PLEKHM2: variants seen among roughly 807,000 people sequenced by gnomAD.
The protein encoded by PLEKHM2 is pleckstrin homology and RUN domain containing M2.
PLEKHM2 carries 77 observed loss-of-function variants against 116.3 expected under a neutral mutation model. That is an observed-to-expected ratio of 0.66 (90% CI 0.55 to 0.80). The LOEUF is 0.80. PLEKHM2 is among the 30% of genes least tolerant of loss of function. The probability of loss-of-function intolerance (pLI) is 0.00; values close to 1 mark genes in which losing one functional copy is unlikely to be tolerated. For synonymous variants in PLEKHM2, 562 were observed against 571.0 expected, an observed-to-expected ratio of 0.98 and a Z score of 0.22; for missense variants, 1,183 against 1,354.9, an observed-to-expected ratio of 0.87 and a Z score of 1.99.
rs1199044725 is a variant in PLEKHM2, at chr1:15,725,387, C to T, written c.783C>T (p.Ser261=). 8 of 1,552,196 alleles carry T rather than the reference C, an allele frequency of 5.2e-6. No homozygotes were observed. In the Admixed American group the frequency reaches 1.6e-4, roughly 30 times the overall value. ...TASDLTSSKA[S]TRSPTQRQNP... Reference sequence around the variant, plus strand: ...CCGACCTGACCAGCAGCAAGGCCTCCACCAGGAGCCCCACCCAGCGCCAGA... The same window carrying T: ...CCGACCTGACCAGCAGCAAGGCCTCTACCAGGAGCCCCACCCAGCGCCAGA... Residue 261 remains serine, a synonymous_variant, in exon 8 of 20, where the codon TCC becomes TCT. Transcript: ENST00000375799.
In PLEKHM2 at chr1:15,728,015, T is replaced by TG. The variant is rs1452136464; in HGVS notation, c.1761-60dup. On this transcript the variant is annotated intron_variant, in intron 9 of 19. Transcript: ENST00000375799. The surrounding 1 kb of genome is among the most constrained non-coding windows in gnomAD (Gnocchi z 5.9). ...GAGGCACTACCCCCTGGCTCTGGGG[T>TG]GGGGTGTGGCCTCTCTCACCGCTGC... The TG allele has an allele frequency of 1.2e-5, 16 of 1,379,926 alleles. No homozygotes were observed. The East Asian group carries it at 3.9e-4, about 34-fold the overall frequency. The allele number at this position is 1,379,926 out of a possible 1,614,324, so 85.5% of individuals were successfully genotyped here.
Position 15,684,549 on chromosome 1 carries a change from T to TGGCAGC in PLEKHM2, c.-8_-3dup. 2 of 1,229,130 alleles carry TGGCAGC rather than the reference T, an allele frequency of 1.6e-6. No homozygotes were observed. Among genetic ancestry groups the TGGCAGC allele is most frequent in the Non-Finnish European group, 2.1e-6 (2 of 969,302 alleles). 76.1% of individuals were successfully genotyped at this position (1,229,130 alleles called of 1,614,324 possible). A position where few individuals can be genotyped will look rare whatever the true frequency, so the allele number is the denominator to read the frequency against. ...GTGGCGGTGGCGGTGGCGGCGACGG[T>TGGCAGC]GGCAGCGCCATGGAGCCGGGGGAGG... On this transcript the variant is annotated 5_prime_UTR_variant, in exon 1 of 20. Transcript: ENST00000375799.
chr1:15,705,446 C>T (rs1240338), intron 1 of PLEKHM2, among the ~76,000 whole-genome samples: 26 of 152,056 alleles, frequency 1.7e-4, no homozygotes, highest in South Asian at 1.0e-3. Context: ...CCTCCCAAAG[C>T]GCTGGGATTA....
At chr1:15,701,815 A>G (rs1185319194) in intron 1 of PLEKHM2, among the ~76,000 whole-genome samples, 1 of 151,896 alleles carries the variant, frequency 6.6e-6, no homozygotes, top group Admixed American at 6.6e-5. Flanking sequence ...AAAAGACCCC[A>G]GCCTGCCTGC....
chr1:15,725,417 C>T lies in PLEKHM2; in HGVS notation c.813C>T (p.Pro271=), dbSNP rs756077401. 1.9e-6 allele frequency: 3 copies of T among 1,556,196 alleles called. No individual in the cohort carries two copies. The highest frequency in any genetic ancestry group is 2.4e-5 in the South Asian group (2 of 84,308). Residue 271 remains proline (P), a synonymous_variant, in exon 8 of 20, where the codon CCC becomes CCT. Transcript: ENST00000375799. ...GGAGCCCCACCCAGCGCCAGAACCCCTTCAACGAGGAGCCGGCAGAGACTG... is the reference window on the plus strand; with the variant it reads ...GGAGCCCCACCCAGCGCCAGAACCCTTTCAACGAGGAGCCGGCAGAGACTG... ...STRSPTQRQN[P]FNEEPAETVS... is the part of the protein sequence containing the mutation.
chr1:15,713,890 G>A (rs1161294942), intron 1 of PLEKHM2, among the ~76,000 whole-genome samples: 1 of 151,118 alleles, frequency 6.6e-6, no homozygotes, highest in Non-Finnish European at 1.5e-5. Context: ...CGCCCACCTC[G>A]GCCTCCCAAA....
At chr1:15,698,638 C>T (rs1641051065) in intron 1 of PLEKHM2, among the ~76,000 whole-genome samples, 2 of 149,580 alleles carry the variant, frequency 1.3e-5, no homozygotes. Context: ...ACCTCTGCCT[C>T]CTGGGTTCAA....
upstream of PLEKHM2, among the ~76,000 whole-genome samples, chr1:15,682,450 C>CAAAA (rs58913655): frequency 1.8e-5 from 2 of 114,252 alleles, no homozygotes; most frequent in South Asian, 2.8e-4. Context: ...GACTCCGCCT[C>CAAAA]AAAAAAAAAA....
rs1453104747 is a variant in PLEKHM2 at position 15,715,182 on chromosome 1, TGGG to T, written c.61-1053_61-1051del. 1.1e-4 allele frequency among the ~76,000 whole-genome samples: 16 copies of T among 151,934 alleles called. 1 individual carries two copies. Among genetic ancestry groups the T allele is most frequent in the African/African-American group, 3.9e-4 (16 of 41,238 alleles). On this transcript the variant is annotated intron_variant, in intron 1 of 19. Coordinates refer to ENST00000375799, the MANE Select transcript of PLEKHM2 (RefSeq NM_015164.4). ...TCAAGAAGGCTGGCAAGAAGGCTGGTGGGGCAGGTGCCCCAGTCCATCGGCCCT... is the reference window on the plus strand; with the variant it reads ...TCAAGAAGGCTGGCAAGAAGGCTGGTGCAGGTGCCCCAGTCCATCGGCCCT...
chr1:15,691,612 G>A (rs1557639714), intron 1 of PLEKHM2, among the ~76,000 whole-genome samples: 1 of 152,106 alleles, frequency 6.6e-6, no homozygotes, highest in Non-Finnish European at 1.5e-5. Context: ...TTCTATTTCT[G>A]GCCAGGCACA....
At chr1:15,707,258 CA>C (rs1226751303) in intron 1 of PLEKHM2, among the ~76,000 whole-genome samples, 1 of 126,928 alleles carries the variant, frequency 7.9e-6, no homozygotes. Context: ...TCCATCTCTA[CA>C]AAAAAAATAC....
Position 15,725,365 on chromosome 1 carries a change from A to C in PLEKHM2, c.761A>C (p.Asp254Ala). 1 of 1,551,516 alleles carries C rather than the reference A, an allele frequency of 6.4e-7. No homozygotes were observed. The highest frequency in any genetic ancestry group is 1.2e-5 in the South Asian group (1 of 84,074). Residue 254 changes from aspartate to alanine, a missense_variant, in exon 8 of 20, where the codon GAC (aspartate) becomes GCC (alanine). Asp to Ala is a moderately radical substitution (Grantham distance 126). This residue lies in a region of PLEKHM2 where 372 missense variants were observed against 357.2 expected (regional missense o/e 1.04). Coordinates refer to ENST00000375799, the MANE Select transcript of PLEKHM2 (RefSeq NM_015164.4). ...AGTGGTCCCCGCTCCACAGCCTCCG[A>C]CCTGACCAGCAGCAAGGCCTCCACC... ...TVSGPRSTASDLTSSKASTRS... is the reference protein window; with the variant it reads ...TVSGPRSTASALTSSKASTRS...
chr1:15,693,123 C>T (rs988160772), intron 1 of PLEKHM2, among the ~76,000 whole-genome samples: 1 of 151,892 alleles, frequency 6.6e-6, no homozygotes, highest in African/African-American at 2.4e-5. Context: ...TCACTGCAAC[C>T]TCCACCTCCT....
chr1:15,727,203 G>A lies in PLEKHM2; in HGVS notation c.1131G>A (p.Glu377=). The change falls in exon 9 of 20, where the codon GAG becomes GAA. Residue 377 remains glutamate, a synonymous_variant. Coordinates refer to ENST00000375799, the MANE Select transcript of PLEKHM2 (RefSeq NM_015164.4). The surrounding 1 kb of genome is among the most constrained non-coding windows in gnomAD (Gnocchi z 7.5). ...TTGCCTCCCCCCAGGAGGAGGGAGA[G>A]GGGCCGAGCAGCACCACGGAGAGCA... ...TMLASPQEEG[E]GPSSTTESSE... The A allele has an allele frequency of 3.1e-6, 5 of 1,606,616 alleles. No homozygotes were observed. The highest frequency in any genetic ancestry group is 4.2e-6 in the Non-Finnish European group (5 of 1,177,252).
At chr1:15,682,258 G>T (rs1358542160), upstream of PLEKHM2, among the ~76,000 whole-genome samples, 1 of 151,716 alleles carries the variant, frequency 6.6e-6, no homozygotes, top group Non-Finnish European at 1.5e-5. Context: ...AGACCAGCCT[G>T]GCCAACATGG....
At chr1:15,697,395 G>C (rs919886933) in intron 1 of PLEKHM2, among the ~76,000 whole-genome samples, 3 of 152,202 alleles carry the variant, frequency 2.0e-5, no homozygotes, top group Non-Finnish European at 2.9e-5. Flanking sequence ...CGGTCCCTCC[G>C]TAAGAAGTCA....
At position 15,725,514 on chromosome 1, in the gene PLEKHM2, C is replaced by A; in HGVS notation, c.910C>A (p.Pro304Thr). Residue 304 changes from proline to threonine, a missense_variant, in exon 8 of 20, where the codon CCG becomes ACG. Pro to Thr is a conservative substitution (Grantham distance 38, BLOSUM62 -1). Around this residue, in one of 3 missense-constraint regions of PLEKHM2, gnomAD observed 372 missense variants for 357.2 expected, o/e 1.04. Transcript: ENST00000375799. ...GGAGGAGGCCCAGGCCCTGGACCCG[C>A]CGGATGCCTGCACGGAGCTCGAGGT... is the stretch of plus-strand genomic sequence containing the variant. ...EKEEAQALDP[P>T]DACTELEVIR... 1 of 1,574,616 alleles carries A rather than the reference C, an allele frequency of 6.4e-7. No homozygotes were observed. Among genetic ancestry groups the A allele is most frequent in the Non-Finnish European group, 8.6e-7 (1 of 1,161,082 alleles).
chr1:15,725,671 AC>A (rs1164275549), intron 8 of PLEKHM2, 126 bp downstream of exon 8: 8 of 660,142 alleles, frequency 1.2e-5, no homozygotes, highest in South Asian at 1.1e-4. Context: ...CTTCCTGGAA[AC>A]CCTTCCCACC....
intron 1 of PLEKHM2, among the ~76,000 whole-genome samples, chr1:15,686,302 C>T (rs1003615805): frequency 4.6e-5 from 7 of 152,168 alleles, no homozygotes; most frequent in African/African-American, 1.7e-4. Context: ...AAGCCATGGG[C>T]AGCATCATTG....
Sources: gnomAD v4.1 joint callset for allele counts (sites outside exome capture counted in the v4.1 genomes callset) on GRCh38, gnomAD v4.1.1 for gene constraint, gnomAD v4.1.1 regional missense constraint, Gnocchi (gnomAD v3.1) non-coding constraint, MANE v1.5 for transcripts, NCBI Gene and HGNC (gene_info 2026-07-23, HGNC 2026-07-21) for gene names.